Variants in CDC42BPB observed in about 807,000 individuals in gnomAD.
The protein encoded by CDC42BPB is serine/threonine-protein kinase MRCK beta.
A neutral mutation model predicts 214.9 loss-of-function variants in CDC42BPB; 37 were observed. The observed-to-expected ratio is 0.17, with a 90% CI of 0.13 to 0.23. The LOEUF is 0.23. Ranked by LOEUF, CDC42BPB falls within the 10% of genes least tolerant of loss-of-function variation. The pLI is 1.00. For synonymous variants in CDC42BPB, 931 were observed against 884.0 expected, an observed-to-expected ratio of 1.05 and a Z score of -0.94; for missense variants, 1,694 against 2,227.0, an observed-to-expected ratio of 0.76 and a Z score of 4.82.
chr14:102,938,714 T>G (rs1398632865), intron 34 of CDC42BPB: 2 of 239,782 alleles, frequency 8.3e-6, no homozygotes, highest in African/African-American at 2.4e-5. Flanking sequence ...CTGCAACCTC[T>G]GCCTCCTGGG....
In CDC42BPB at chr14:102,950,492, C is replaced by T. The variant is rs1289391194; in HGVS notation, c.3283G>A (p.Gly1095Arg). The part of the protein sequence containing the change: ...PLGVDVQRGI[G>R]TAYKGHVKVP... ...TTGACATGGCCTTTGTAGGCTGTTC[C>T]GATGCCTCGCTGCACGTCCACGCCC... The change falls in exon 25 of 37, where the codon GGA (glycine) becomes AGA (arginine). Residue 1095 changes from glycine to arginine, a missense_variant. By Grantham distance (125) the Gly-to-Arg change is moderately radical. This residue lies in a region of CDC42BPB where 567 missense variants were observed against 790.3 expected (regional missense o/e 0.72). Coordinates refer to ENST00000361246, the MANE Select transcript of CDC42BPB (RefSeq NM_006035.4). The T allele has an allele frequency of 2.5e-6, 4 of 1,613,226 alleles. No individual in the cohort carries two copies. The highest frequency in any genetic ancestry group is 3.4e-6 in the Non-Finnish European group (4 of 1,179,972).
At chr14:102,946,135 A>G (rs533885266) in intron 28 of CDC42BPB, among the ~76,000 whole-genome samples, 10 of 151,804 alleles carry the variant, frequency 6.6e-5, no homozygotes, top group Admixed American at 2.0e-4. Flanking sequence ...CAGTCTCCCA[A>G]GTAGCTGGGA....
intron 1 of CDC42BPB, among the ~76,000 whole-genome samples, chr14:103,038,875 C>T (rs1011902600): frequency 2.6e-5 from 4 of 151,756 alleles, no homozygotes; most frequent in African/African-American, 7.3e-5. Context: ...CAATTTTAAC[C>T]GTTTTTTGAG....
rs543124062 is a variant in CDC42BPB at position 102,986,156 on chromosome 14, C to T, written c.690+331G>A. 8.6e-4 allele frequency: 238 copies of T among 276,220 alleles called. 2 individuals are homozygous for T. The highest frequency in any genetic ancestry group is 5.0e-3 in the African/African-American group (223 of 44,658). The allele number at this position is 276,220 out of a possible 1,614,324, so 17.1% of individuals were successfully genotyped here. A position where few individuals can be genotyped will look rare whatever the true frequency, so the allele number is the denominator to read the frequency against. On this transcript the variant is annotated intron_variant, in intron 6 of 36. Coordinates refer to ENST00000361246, the MANE Select transcript of CDC42BPB (RefSeq NM_006035.4). Reference sequence around the variant, plus strand: ...GCCCACCCGACCAGCCTGGACAGGGCCCTTTAAGGAAGAAGCAGGGAGCGC... The same window carrying T: ...GCCCACCCGACCAGCCTGGACAGGGTCCTTTAAGGAAGAAGCAGGGAGCGC...
chr14:102,998,872 T>G (rs1330830668), intron 5 of CDC42BPB, among the ~76,000 whole-genome samples: 1 of 151,002 alleles, frequency 6.6e-6, no homozygotes, highest in Non-Finnish European at 1.5e-5. Context: ...CAGAGGACCC[T>G]GAGCCCCACG....
intron 30 of CDC42BPB, chr14:102,941,011 C>G: frequency 3.0e-6 from 2 of 670,804 alleles, no homozygotes; most frequent in Non-Finnish European, 3.7e-6. Context: ...GATGTGAAAC[C>G]AAGGACTGCA....
chr14:103,008,832 G>A (rs995666155), intron 2 of CDC42BPB: 9 of 199,808 alleles, frequency 4.5e-5, no homozygotes, highest in Admixed American at 2.0e-4. Context: ...TGGCAGGACC[G>A]GACTCCTGAG....
At chr14:103,020,844 A>C (rs974969485) in intron 1 of CDC42BPB, among the ~76,000 whole-genome samples, 19 of 152,226 alleles carry the variant, frequency 1.2e-4, no homozygotes, top group African/African-American at 4.3e-4. Context: ...ACCTATCACA[A>C]AGTTTTAGAA....
In CDC42BPB at chr14:102,943,106, C is replaced by T. The variant is rs1031382607; in HGVS notation, c.4408+785G>A. 2.0e-5 allele frequency among the ~76,000 whole-genome samples: 3 copies of T among 152,156 alleles called. No individual in the cohort carries two copies. The highest frequency in any genetic ancestry group is 4.4e-5 in the Non-Finnish European group (3 of 68,036). On this transcript the variant is annotated intron_variant, in intron 30 of 36. Coordinates refer to ENST00000361246, the MANE Select transcript of CDC42BPB (RefSeq NM_006035.4). This position sits in a 1 kb window ranked among gnomAD's most constrained non-coding sequence, Gnocchi z 4.6. ...CAGGATGGTCTCGATCTCCTAACCT[C>T]GTGATCCGCCCTGCCTTGGGCTCCC...
At chr14:103,034,082 G>A (rs1887536152) in intron 1 of CDC42BPB, among the ~76,000 whole-genome samples, 2 of 152,180 alleles carry the variant, frequency 1.3e-5, no homozygotes, top group African/African-American at 2.4e-5. Context: ...CCTTTGGACT[G>A]ACTGGACTTT....
At chr14:103,027,631 G>A (rs1163705866) in intron 1 of CDC42BPB, among the ~76,000 whole-genome samples, 1 of 152,192 alleles carries the variant, frequency 6.6e-6, no homozygotes, top group East Asian at 1.9e-4. Context: ...ACCACGTATA[G>A]TATGATTCCA....
chr14:103,053,890 G>C (rs1187515028), intron 1 of CDC42BPB, among the ~76,000 whole-genome samples: 2 of 151,826 alleles, frequency 1.3e-5, no homozygotes, highest in African/African-American at 4.8e-5. Context: ...GCCCAGGCTG[G>C]AGTGTAGTGG....
intron 5 of CDC42BPB, among the ~76,000 whole-genome samples, chr14:102,995,173 C>T (rs1741707550): frequency 6.6e-6 from 1 of 151,922 alleles, no homozygotes; most frequent in Admixed American, 6.6e-5. Flanking sequence ...TGTTCTCTCT[C>T]TCTCTCTTTT....
chr14:103,053,976 G>A (rs972470777), intron 1 of CDC42BPB, among the ~76,000 whole-genome samples: 12 of 151,916 alleles, frequency 7.9e-5, no homozygotes, highest in Non-Finnish European at 1.6e-4. Context: ...GAGTAACTGG[G>A]ACTACAGGTG....
At chr14:103,036,214 G>A (rs1266045428) in intron 1 of CDC42BPB, among the ~76,000 whole-genome samples, 4 of 148,512 alleles carry the variant, frequency 2.7e-5, no homozygotes, top group African/African-American at 5.0e-5. Context: ...CTGCAGTGGC[G>A]CGATCTCAGC....
intron 5 of CDC42BPB, among the ~76,000 whole-genome samples, chr14:102,995,692 C>T (rs1894696209): frequency 6.6e-6 from 1 of 152,222 alleles, no homozygotes; most frequent in South Asian, 2.1e-4. Flanking sequence ...GGGTGGGATC[C>T]CCACAGCACC....
intron 23 of CDC42BPB, among the ~76,000 whole-genome samples, chr14:102,953,447 A>T (rs184596122): frequency 7.2e-5 from 11 of 152,358 alleles, no homozygotes; most frequent in Admixed American, 2.0e-4. Flanking sequence ...TTAGTCCAAA[A>T]GCCAAACCCT....
At position 102,987,782 on chromosome 14, in the gene CDC42BPB, CACACAA is replaced by C. The variant is rs1258514580; in HGVS notation, c.597-1208_597-1203del. Among the ~76,000 whole-genome samples the C allele has an allele frequency of 1.7e-3, 190 of 113,144 alleles. 1 individual carries two copies. Among genetic ancestry groups the C allele is most frequent in the African/African-American group, 4.9e-3 (140 of 28,716 alleles). The allele number at this position is 113,144 out of a possible 152,430, so 74.2% of individuals were successfully genotyped here. Reference sequence around the variant, plus strand: ...AGAAAACAAAACAAAATCCCACAAACACACAAACACACACACACACACACACACACA... The same window carrying C: ...AGAAAACAAAACAAAATCCCACAAACACACACACACACACACACACACACA... On this transcript the variant is annotated intron_variant, in intron 5 of 36. Transcript: ENST00000361246.
chr14:103,000,106 G>A (rs1358447032), intron 4 of CDC42BPB, among the ~76,000 whole-genome samples: 2 of 152,220 alleles, frequency 1.3e-5, no homozygotes, highest in African/African-American at 4.8e-5. Flanking sequence ...CACCAGACCA[G>A]AGAAGGGAGG....
Sources: gnomAD v4.1 joint callset for allele counts (sites outside exome capture counted in the v4.1 genomes callset) on GRCh38, gnomAD v4.1.1 for gene constraint, gnomAD v4.1.1 regional missense constraint, Gnocchi (gnomAD v3.1) non-coding constraint, MANE v1.5 for transcripts, NCBI Gene and HGNC (gene_info 2026-07-23, HGNC 2026-07-21) for gene names.